Variants in AFF3 observed in about 807,000 individuals in gnomAD.
The protein encoded by AFF3 is ALF transcription elongation factor 3.
AFF3 carries 32 observed loss-of-function variants against 129.7 expected under a neutral mutation model. That is an observed-to-expected ratio of 0.25 (90% confidence interval 0.19 to 0.33). AFF3 has a LOEUF of 0.33. AFF3 is among the 10% of genes least tolerant of loss of function. AFF3 has a pLI of 1.00. For synonymous variants in AFF3, 644 were observed against 635.4 expected (o/e 1.01, Z -0.20); for missense variants, 1,373 against 1,592.0 (o/e 0.86, Z 2.34).
At chr2:99,764,981 G>A (rs1682891920) in intron 8 of AFF3, among the ~76,000 whole-genome samples, 1 of 152,096 alleles carries the variant, frequency 6.6e-6, no homozygotes, top group Admixed American at 6.5e-5. Context: ...CTGAATCTGG[G>A]GCTGACACAT....
chr2:99,842,329 T>A (rs1017340486), intron 7 of AFF3, among the ~76,000 whole-genome samples: 3 of 152,194 alleles, frequency 2.0e-5, no homozygotes, highest in Non-Finnish European at 4.4e-5. Context: ...AAAATATGCA[T>A]GTAATTTACA....
chr2:99,878,188 A>G (rs1294461987), intron 7 of AFF3, among the ~76,000 whole-genome samples: 1 of 152,232 alleles, frequency 6.6e-6, no homozygotes, highest in Non-Finnish European at 1.5e-5. Flanking sequence ...CGATGGCAAT[A>G]TTCTCTAGGT....
intron 7 of AFF3, among the ~76,000 whole-genome samples, chr2:99,989,214 T>A (rs931851728): frequency 9.9e-5 from 15 of 152,082 alleles, no homozygotes; most frequent in African/African-American, 3.6e-4. Flanking sequence ...CAAATCAAGA[T>A]AGCAGTTAGA....
At chr2:99,931,872 G>A (rs945313131) in intron 7 of AFF3, among the ~76,000 whole-genome samples, 1 of 152,188 alleles carries the variant, frequency 6.6e-6, no homozygotes, top group Non-Finnish European at 1.5e-5. Context: ...TGGTGCCATT[G>A]CACTCCAGTC....
At chr2:100,125,314 A>G (rs541874530) in intron 2 of AFF3, among the ~76,000 whole-genome samples, 1 of 152,324 alleles carries the variant, frequency 6.6e-6, no homozygotes, top group Admixed American at 6.5e-5. Flanking sequence ...TTTTCATATT[A>G]TGGAGTCTGT....
intron 4 of AFF3, among the ~76,000 whole-genome samples, chr2:100,026,194 T>C (rs1684026485): frequency 6.6e-6 from 1 of 151,326 alleles, no homozygotes; most frequent in South Asian, 2.1e-4. Context: ...AACAAACAAA[T>C]CAGTGAGAAA....
At chr2:100,133,584 G>A (rs1692516441) in intron 1 of AFF3, among the ~76,000 whole-genome samples, 1 of 152,118 alleles carries the variant, frequency 6.6e-6, no homozygotes, top group African/African-American at 2.4e-5. Flanking sequence ...GGAATTACAG[G>A]CACATGCCAC....
Position 99,947,013 on chromosome 2 carries a change from A to G in AFF3, c.873+59619T>C, listed in dbSNP as rs182955838. Reference sequence around the variant, plus strand: ...TTGGTCATCTCCTGCAAGCAGATATATTATTTGATTCGGTCGTTCATTAGG... The same window carrying G: ...TTGGTCATCTCCTGCAAGCAGATATGTTATTTGATTCGGTCGTTCATTAGG... On this transcript the variant is annotated intron_variant, in intron 7 of 24. Coordinates refer to ENST00000672756, the MANE Select transcript of AFF3 (RefSeq NM_001386135.1). Among the ~76,000 whole-genome samples, 35 of 152,318 alleles carry G rather than the reference A, an allele frequency of 2.3e-4. No homozygotes were observed. The South Asian group carries it at 4.4e-3, about 19-fold the overall frequency.
intron 7 of AFF3, among the ~76,000 whole-genome samples, chr2:99,917,742 A>G (rs2106230871): frequency 6.6e-6 from 1 of 152,326 alleles, no homozygotes; most frequent in East Asian, 1.9e-4. Flanking sequence ...TATCTCATTA[A>G]CAGTAGCCAG....
chr2:99,969,982 A>T (rs1678195291), intron 7 of AFF3, among the ~76,000 whole-genome samples: 1 of 152,206 alleles, frequency 6.6e-6, no homozygotes, highest in Admixed American at 6.5e-5. Context: ...TCTCTGTCTC[A>T]GTCTCATAGC....
At chr2:99,577,073 GC>G (rs997353289) in intron 18 of AFF3, among the ~76,000 whole-genome samples, 14 of 152,108 alleles carry the variant, frequency 9.2e-5, no homozygotes, top group African/African-American at 3.4e-4. Flanking sequence ...CTGCCCTCAA[GC>G]CTTCCTAAAC....
In AFF3 at chr2:99,592,195, C is replaced by A. The variant is rs1432273910; in HGVS notation, c.2466+1000G>T. On this transcript the variant is annotated intron_variant, in intron 15 of 24. Transcript: ENST00000672756. ...CTTCGAAATGGGCTACACGTTCAGG[C>A]TCTGCTGCCAGAGATGCCCCCCAGC... 3.9e-5 allele frequency among the ~76,000 whole-genome samples: 6 copies of A among 152,202 alleles called. No homozygotes were observed. The East Asian group carries it at 5.8e-4, about 15-fold the overall frequency.
At chr2:99,593,083 G>A in intron 15 of AFF3, 112 bp downstream of exon 15, 5 of 1,279,302 alleles carry the variant, frequency 3.9e-6, no homozygotes, top group Non-Finnish European at 4.2e-6. Context: ...AACTCCTGCG[G>A]CAGCCTACCG....
At chr2:100,056,022 C>A (rs1001939097) in intron 4 of AFF3, among the ~76,000 whole-genome samples, 8 of 150,684 alleles carry the variant, frequency 5.3e-5, no homozygotes, top group Middle Eastern at 6.8e-3. Flanking sequence ...CAGAGTAAGA[C>A]CCTGTCACTT....
chr2:99,739,654 T>C (rs17023031), intron 10 of AFF3, among the ~76,000 whole-genome samples: 16,270 of 151,872 alleles, frequency 0.11, 2,056 homozygotes, highest in African/African-American at 0.3. Context: ...ATTTTCTGTT[T>C]ATACAATCTT....
intron 13 of AFF3, among the ~76,000 whole-genome samples, 170 bp downstream of exon 13, chr2:99,649,456 T>G: frequency 6.6e-6 from 1 of 152,216 alleles, no homozygotes; most frequent in East Asian, 1.9e-4. Context: ...AGGCGATTTT[T>G]GCAGTGATAA....
intron 11 of AFF3, among the ~76,000 whole-genome samples, chr2:99,675,577 G>A (rs975102845): frequency 1.3e-5 from 2 of 152,164 alleles, no homozygotes; most frequent in Admixed American, 1.3e-4. Flanking sequence ...CTTCAAGTCC[G>A]GTTTAACATT....
At chr2:99,645,970 C>G (rs1239867343) in intron 13 of AFF3, among the ~76,000 whole-genome samples, 1 of 152,124 alleles carries the variant, frequency 6.6e-6, no homozygotes, top group Non-Finnish European at 1.5e-5. Flanking sequence ...CTACCCACTC[C>G]TTAGGAAGGG....
chr2:100,103,760 G>A (rs1478165226), intron 4 of AFF3, among the ~76,000 whole-genome samples: 5 of 152,006 alleles, frequency 3.3e-5, no homozygotes, highest in Non-Finnish European at 5.9e-5. Flanking sequence ...CAACTGTGAC[G>A]AGGTGTGAAG....
Sources: gnomAD v4.1 joint callset for allele counts (sites outside exome capture counted in the v4.1 genomes callset) on GRCh38, gnomAD v4.1.1 for gene constraint, MANE v1.5 for transcripts, NCBI Gene and HGNC (gene_info 2026-07-23, HGNC 2026-07-21) for gene names.